Variants in PHACTR1 observed in about 807,000 individuals in gnomAD.
PHACTR1 encodes RPEL repeat containing 1.
A neutral mutation model predicts 69.2 loss-of-function variants in PHACTR1; 16 were observed. That is an observed-to-expected ratio of 0.23 (90% CI 0.16 to 0.35). The LOEUF (loss-of-function observed/expected upper bound fraction) is 0.35. Ranked by LOEUF, PHACTR1 falls within the 10% of genes least tolerant of loss-of-function variation. The pLI, the probability that PHACTR1 is intolerant of heterozygous loss-of-function variation, is 1.00. For missense variants in PHACTR1, 510 were observed against 734.7 expected (o/e 0.69, Z 3.54); for synonymous variants, 312 against 284.5 (o/e 1.10, Z -0.97).
intron 4 of PHACTR1, among the ~76,000 whole-genome samples, chr6:12,875,826 G>A (rs2127447143): frequency 6.6e-6 from 1 of 152,212 alleles, no homozygotes; most frequent in Middle Eastern, 3.4e-3. Context: ...GTGACCATGT[G>A]ACAACACATG....
intron 5 of PHACTR1, among the ~76,000 whole-genome samples, chr6:13,133,636 G>A (rs904587938): frequency 1.3e-5 from 2 of 152,076 alleles, no homozygotes; most frequent in Non-Finnish European, 2.9e-5. Flanking sequence ...GCGTGATCTC[G>A]GCTCGCTACA....
chr6:13,093,481 T>C (rs898897616), intron 5 of PHACTR1, among the ~76,000 whole-genome samples: 1 of 152,228 alleles, frequency 6.6e-6, no homozygotes, highest in Non-Finnish European at 1.5e-5. Flanking sequence ...CAGTTATTAC[T>C]GTTCCATCCA....
chr6:13,278,368 G>A, intron 12 of PHACTR1, 39 bp downstream of exon 12: 1 of 1,559,318 alleles, frequency 6.4e-7, no homozygotes, highest in Non-Finnish European at 8.7e-7. Context: ...GACAGGAGAG[G>A]GTGGGCTGCC....
At chr6:12,790,925 A>T (rs1772192580) in intron 4 of PHACTR1, among the ~76,000 whole-genome samples, 1 of 152,124 alleles carries the variant, frequency 6.6e-6, no homozygotes, top group Non-Finnish European at 1.5e-5. Context: ...CAAATGGGGG[A>T]AGACTAATTT....
At chr6:13,112,634 G>A (rs1208751137) in intron 5 of PHACTR1, among the ~76,000 whole-genome samples, 2 of 152,166 alleles carry the variant, frequency 1.3e-5, no homozygotes, top group East Asian at 3.8e-4. Context: ...GATCAGTGAT[G>A]TTGAGCTTTT....
intron 6 of PHACTR1, among the ~76,000 whole-genome samples, chr6:13,180,444 G>C (rs1762035110): frequency 6.6e-6 from 1 of 152,156 alleles, no homozygotes; most frequent in African/African-American, 2.4e-5. Flanking sequence ...CCAAGCCCAG[G>C]ATTCATGGAG....
intron 6 of PHACTR1, among the ~76,000 whole-genome samples, chr6:13,175,488 G>A (rs1161554867): frequency 6.6e-6 from 1 of 152,100 alleles, no homozygotes; most frequent in Non-Finnish European, 1.5e-5. Context: ...TCTGAGTCAG[G>A]GCTTCTTTCC....
At chr6:12,789,588 C>T (rs946925341) in intron 4 of PHACTR1, among the ~76,000 whole-genome samples, 1 of 152,030 alleles carries the variant, frequency 6.6e-6, no homozygotes, top group African/African-American at 2.4e-5. Flanking sequence ...TTTTGACATC[C>T]TCACTCAAAT....
chr6:13,089,213 C>T (rs1207676946), intron 5 of PHACTR1, among the ~76,000 whole-genome samples: 1 of 152,160 alleles, frequency 6.6e-6, no homozygotes, highest in East Asian at 1.9e-4. Flanking sequence ...CACAAGAAGC[C>T]CCTGGGGCAC....
At chr6:12,986,760 G>T (rs928281384) in intron 4 of PHACTR1, among the ~76,000 whole-genome samples, 8 of 152,202 alleles carry the variant, frequency 5.3e-5, no homozygotes, top group Non-Finnish European at 1.0e-4. Flanking sequence ...CGGGTGTATG[G>T]AGAGCTTTGA....
intron 5 of PHACTR1, among the ~76,000 whole-genome samples, chr6:13,082,155 T>G (rs1811494515): frequency 6.6e-6 from 1 of 152,148 alleles, no homozygotes; most frequent in Non-Finnish European, 1.5e-5. Context: ...TGCCTCCTAC[T>G]TCCACTCATC....
At chr6:12,930,238 T>C (rs938078580) in intron 4 of PHACTR1, among the ~76,000 whole-genome samples, 2 of 151,920 alleles carry the variant, frequency 1.3e-5, no homozygotes, top group African/African-American at 4.8e-5. Flanking sequence ...GGAGACGGGG[T>C]CTTGCTCTAT....
chr6:12,854,348 A>G (rs142063762), intron 4 of PHACTR1, among the ~76,000 whole-genome samples: 23 of 152,298 alleles, frequency 1.5e-4, no homozygotes, highest in African/African-American at 5.3e-4. Flanking sequence ...ATTCCCTCAG[A>G]TGTAGGGTAG....
chr6:13,049,237 G>C (rs949047465), intron 4 of PHACTR1, among the ~76,000 whole-genome samples: 2 of 147,518 alleles, frequency 1.4e-5, no homozygotes, highest in Non-Finnish European at 2.9e-5. Context: ...AAGCGTTTCG[G>C]TTCTCATGGC....
chr6:12,825,904 A>G (rs1022470755), intron 4 of PHACTR1, among the ~76,000 whole-genome samples: 4 of 148,696 alleles, frequency 2.7e-5, no homozygotes, highest in African/African-American at 1.0e-4. Context: ...TAACACATGA[A>G]AAGAAAAGAA....
chr6:12,948,336 A>G (rs1301015516), intron 4 of PHACTR1, among the ~76,000 whole-genome samples: 1 of 152,214 alleles, frequency 6.6e-6, no homozygotes, highest in Non-Finnish European at 1.5e-5. Context: ...AAAATGTCTC[A>G]GTGGAAGGAA....
intron 10 of PHACTR1, 120 bp from the exon 11 acceptor site, chr6:13,272,740 A>G (rs548263135): frequency 3.9e-5 from 62 of 1,610,368 alleles, no homozygotes; most frequent in Middle Eastern, 1.7e-4. Flanking sequence ...CTTTCAGAGC[A>G]CAGGATGGAA....
chr6:12,775,912 A>G (rs1412618677), intron 4 of PHACTR1, among the ~76,000 whole-genome samples: 1 of 152,216 alleles, frequency 6.6e-6, no homozygotes, highest in Non-Finnish European at 1.5e-5. Flanking sequence ...ACTTTATTTA[A>G]TAATGATTTA....
chr6:12,767,192 T>C (rs547568192), intron 4 of PHACTR1, among the ~76,000 whole-genome samples: 7 of 152,126 alleles, frequency 4.6e-5, no homozygotes, highest in Non-Finnish European at 5.9e-5. Context: ...CTGTTTGCAA[T>C]CCAGTTTCAA....
Sources: gnomAD v4.1 joint callset for allele counts (sites outside exome capture counted in the v4.1 genomes callset) on GRCh38, gnomAD v4.1.1 for gene constraint, MANE v1.5 for transcripts, NCBI Gene and HGNC (gene_info 2026-07-23, HGNC 2026-07-21) for gene names.